Variants in HLCS observed in about 807,000 individuals in gnomAD.
The protein encoded by HLCS is biotin--protein ligase.
HLCS carries 53 observed loss-of-function variants against 75.0 expected under a neutral mutation model. The ratio of observed to expected loss-of-function variants is 0.71; its 90% CI spans 0.57 to 0.89. HLCS has a LOEUF of 0.89. HLCS is among the 40% of genes least tolerant of loss of function. The probability of loss-of-function intolerance (pLI) is 0.00; values close to 1 mark genes in which losing one functional copy is unlikely to be tolerated. For synonymous variants in HLCS, 431 were observed against 428.6 expected (o/e 1.01, Z -0.07); for missense variants, 966 against 1,074.0 (o/e 0.90, Z 1.41).
At chr21:36,881,768 T>A (rs888855204) in intron 6 of HLCS, among the ~76,000 whole-genome samples, 4 of 152,176 alleles carry the variant, frequency 2.6e-5, no homozygotes, top group South Asian at 2.1e-4. Context: ...GGTCTTGATG[T>A]CCATACCCTG....
chr21:36,805,405 G>A (rs568700345), intron 6 of HLCS, among the ~76,000 whole-genome samples: 12 of 152,232 alleles, frequency 7.9e-5, no homozygotes, highest in East Asian at 3.9e-4. Flanking sequence ...GCCCGGCTCC[G>A]GGCGCTGTGT....
At chr21:36,960,102 TC>T (rs1737974176) in intron 2 of HLCS, among the ~76,000 whole-genome samples, 1 of 145,576 alleles carries the variant, frequency 6.9e-6, no homozygotes, top group Non-Finnish European at 1.5e-5. Context: ...GTACACCTGG[TC>T]CAGCCACAGC....
At chr21:36,942,451 A>AC (rs2067193245) in intron 2 of HLCS, among the ~76,000 whole-genome samples, 1 of 151,204 alleles carries the variant, frequency 6.6e-6, no homozygotes, top group African/African-American at 2.4e-5. Context: ...CCTCTTCCTC[A>AC]CATCATGCAA....
chr21:36,847,013 T>C (rs549103157), intron 6 of HLCS, among the ~76,000 whole-genome samples: 2 of 152,226 alleles, frequency 1.3e-5, no homozygotes, highest in Non-Finnish European at 2.9e-5. Context: ...TCTAATTCAT[T>C]TGCTGCACTG....
chr21:36,880,145 T>C (rs537505501), intron 6 of HLCS, among the ~76,000 whole-genome samples: 8 of 152,272 alleles, frequency 5.3e-5, no homozygotes, highest in South Asian at 4.2e-4. Context: ...CTGGAAACAT[T>C]TGGTGCACTT....
chr21:36,981,707 T>G (rs970784331), intron 1 of HLCS, among the ~76,000 whole-genome samples: 1 of 152,048 alleles, frequency 6.6e-6, no homozygotes, highest in Non-Finnish European at 1.5e-5. Context: ...GCCTTAACCT[T>G]CCTTTTCTAA....
chr21:36,854,822 A>C (rs1174777121), intron 6 of HLCS, among the ~76,000 whole-genome samples: 1 of 152,250 alleles, frequency 6.6e-6, no homozygotes, highest in Non-Finnish European at 1.5e-5. Context: ...CTGGACACAC[A>C]TTTAGATGAA....
intron 6 of HLCS, among the ~76,000 whole-genome samples, chr21:36,880,063 C>T (rs1298596372): frequency 1.3e-5 from 2 of 152,174 alleles, no homozygotes; most frequent in East Asian, 1.9e-4. Context: ...TTTGGACAGA[C>T]ATTTGTTTGT....
chr21:36,918,687 C>T (rs1039795921), intron 5 of HLCS, among the ~76,000 whole-genome samples: 1 of 152,122 alleles, frequency 6.6e-6, no homozygotes, highest in African/African-American at 2.4e-5. Context: ...GGAACAAAAC[C>T]CCCATATTTC....
At chr21:36,927,317 G>A (rs1449023952) in intron 5 of HLCS, among the ~76,000 whole-genome samples, 2 of 152,232 alleles carry the variant, frequency 1.3e-5, no homozygotes, top group Admixed American at 1.3e-4. Context: ...ACGCTACCAT[G>A]GTGTCTGGGT....
At chr21:36,899,400 G>C (rs1026649755) in intron 5 of HLCS, among the ~76,000 whole-genome samples, 1 of 152,028 alleles carries the variant, frequency 6.6e-6, no homozygotes, top group Non-Finnish European at 1.5e-5. Context: ...GAAGAGGGTG[G>C]ATCACTTGAG....
At chr21:36,764,882 T>C in intron 8 of HLCS, 130 bp downstream of exon 8, 2 of 990,082 alleles carry the variant, frequency 2.0e-6, no homozygotes, top group Admixed American at 1.8e-5. Context: ...GAGAGCACTT[T>C]GCTGCCAGCT....
chr21:36,835,860 C>T (rs912041394), intron 6 of HLCS, among the ~76,000 whole-genome samples: 8 of 152,114 alleles, frequency 5.3e-5, no homozygotes, highest in African/African-American at 1.9e-4. Flanking sequence ...AGGTGATGCT[C>T]TTTCCATGGG....
At chr21:36,887,323 C>T (rs1312518357) in intron 6 of HLCS, among the ~76,000 whole-genome samples, 3 of 152,128 alleles carry the variant, frequency 2.0e-5, no homozygotes, top group Non-Finnish European at 2.9e-5. Context: ...GCTGAGAGGA[C>T]ACTGGGACGG....
At chr21:36,796,843 T>C (rs894289551) in intron 6 of HLCS, among the ~76,000 whole-genome samples, 3 of 151,668 alleles carry the variant, frequency 2.0e-5, no homozygotes, top group African/African-American at 7.3e-5. Context: ...TCCACAAGTT[T>C]ATTAAAGTGA....
intron 6 of HLCS, among the ~76,000 whole-genome samples, chr21:36,792,459 G>A (rs1260772379): frequency 6.7e-6 from 1 of 149,834 alleles, no homozygotes; most frequent in African/African-American, 2.4e-5. Flanking sequence ...AGGAGAAGGG[G>A]GGGAGGGAAG....
chr21:36,888,443 AAAATATATATATATATATATATATATAT>A lies in HLCS; in HGVS notation c.1892+8389_1892+8416del, dbSNP rs1235351166. Among the ~76,000 whole-genome samples the A allele has an allele frequency of 4.2e-4, 12 of 28,312 alleles. 1 individual carries two copies. The highest frequency in any genetic ancestry group is 6.5e-4 in the African/African-American group (6 of 9,174). The allele number at this position is 28,312 out of a possible 152,430, so 18.6% of individuals were successfully genotyped here. A position where few individuals can be genotyped will look rare whatever the true frequency, so the allele number is the denominator to read the frequency against. ...GCCCCCTTCCCATTTAAAAAAAAAA[AAAATATATATATATATATATATATATAT>A]ATATATATATATATATATATATATA... On this transcript the variant is annotated intron_variant, in intron 6 of 10. Coordinates refer to ENST00000674895, the MANE Select transcript of HLCS (RefSeq NM_001352514.2).
At chr21:36,885,152 A>G (rs2064393455) in intron 6 of HLCS, among the ~76,000 whole-genome samples, 1 of 152,192 alleles carries the variant, frequency 6.6e-6, no homozygotes, top group South Asian at 2.1e-4. Flanking sequence ...AGCAACAAAC[A>G]ATTGGTTCTA....
intron 6 of HLCS, among the ~76,000 whole-genome samples, chr21:36,850,589 C>T (rs1479646981): frequency 2.6e-5 from 4 of 151,584 alleles, no homozygotes; most frequent in Non-Finnish European, 5.9e-5. Flanking sequence ...GCATGCCTGT[C>T]CTTAGCGCCT....
Sources: allele counts gnomAD v4.1 joint callset (sites outside exome capture counted in the v4.1 genomes callset), GRCh38; gene constraint gnomAD v4.1.1; transcripts MANE v1.5; gene names NCBI Gene and HGNC (gene_info 2026-07-23, HGNC 2026-07-21).